LRIF1: variants seen among roughly 807,000 people sequenced by gnomAD.
LRIF1 encodes ligand-dependent nuclear receptor-interacting factor 1.
LRIF1 carries 32 observed loss-of-function variants against 52.7 expected under a neutral mutation model. That is an observed-to-expected ratio of 0.61 (90% CI 0.46 to 0.82). The LOEUF (loss-of-function observed/expected upper bound fraction) is 0.82. Ranked by LOEUF, LRIF1 falls within the 40% of genes least tolerant of loss-of-function variation. The pLI, the probability that LRIF1 is intolerant of heterozygous loss-of-function variation, is 0.00. For synonymous variants in LRIF1, 323 were observed against 317.4 expected (o/e 1.02, Z -0.19); for missense variants, 887 against 892.0 (o/e 0.99, Z 0.07).
chr1:110,895,380 C>T, the LRIF1 span, among the ~76,000 whole-genome samples: 334 of 152,306 alleles, frequency 2.2e-3, 2 homozygotes, highest in African/African-American at 7.2e-3. Context: ...CATTGTATAA[C>T]ACAAGAAATT....
At chr1:110,934,271 T>C in the LRIF1 span, among the ~76,000 whole-genome samples, 1 of 152,268 alleles carries the variant, frequency 6.6e-6, no homozygotes, top group Non-Finnish European at 1.5e-5. Context: ...TTACCAGCTA[T>C]GGTGGTTATT....
the LRIF1 span, among the ~76,000 whole-genome samples, chr1:110,885,110 A>C: frequency 5.3e-5 from 8 of 151,982 alleles, no homozygotes; most frequent in Non-Finnish European, 1.0e-4. Flanking sequence ...TGAGATTTCC[A>C]CTTTACATAT....
Position 110,951,793 on chromosome 1 carries a change from AC to A in LRIF1, c.1090del (p.Val364SerfsTer28). The A allele has an allele frequency of 6.2e-7, 1 of 1,612,524 alleles. No homozygotes were observed. Among genetic ancestry groups the A allele is most frequent in the East Asian group, 2.2e-5 (1 of 44,862 alleles). On this transcript the variant is annotated frameshift_variant, in exon 2 of 4. Coordinates refer to ENST00000369763, the MANE Select transcript of LRIF1 (RefSeq NM_018372.4). LOFTEE classifies it high-confidence loss of function. ...DNALVMFNGK[V>X]YLLAKKGTDV... ...TGTCCCCTTTTTAGCCAACAGATAGACTTTCCCATTAAACATAACCAAAGCA... is the reference window on the plus strand; with the variant it reads ...TGTCCCCTTTTTAGCCAACAGATAGATTTCCCATTAAACATAACCAAAGCA...
the LRIF1 span, among the ~76,000 whole-genome samples, chr1:110,878,010 C>T: frequency 1.3e-5 from 2 of 152,158 alleles, no homozygotes; most frequent in Non-Finnish European, 1.5e-5. Flanking sequence ...GAGCCTGGGA[C>T]GGTGGAAAGA....
the LRIF1 span, among the ~76,000 whole-genome samples, chr1:110,917,625 A>AT: frequency 1.9e-4 from 27 of 138,498 alleles, no homozygotes; most frequent in Middle Eastern, 3.6e-3. Context: ...TAAGGAGCTT[A>AT]TTTTTTTTGT....
At chr1:110,951,261 A>C (rs1557838627) in intron 2 of LRIF1, 27 bp downstream of exon 2, 1 of 1,560,016 alleles carries the variant, frequency 6.4e-7, no homozygotes. Context: ...GATATATAAA[A>C]AGAGCACCCT....
At chr1:110,893,131 T>G in the LRIF1 span, among the ~76,000 whole-genome samples, 1 of 152,230 alleles carries the variant, frequency 6.6e-6, no homozygotes. Context: ...GTTTTGCCTG[T>G]AAGCACAGTG....
At chr1:110,955,063 T>C (rs2101114908) in intron 1 of LRIF1, among the ~76,000 whole-genome samples, 1 of 152,336 alleles carries the variant, frequency 6.6e-6, no homozygotes, top group East Asian at 1.9e-4. Flanking sequence ...CCAAATTCCC[T>C]TTTAACATTT....
At chr1:110,957,749 A>G (rs577812103) in intron 1 of LRIF1, among the ~76,000 whole-genome samples, 2 of 152,022 alleles carry the variant, frequency 1.3e-5, no homozygotes, top group East Asian at 3.9e-4. Context: ...TAGGTTTCAA[A>G]TCACCTAGTC....
At chr1:110,922,166 T>C in the LRIF1 span, among the ~76,000 whole-genome samples, 2 of 152,358 alleles carry the variant, frequency 1.3e-5, no homozygotes, top group East Asian at 3.9e-4. Context: ...TCTTGTTCTT[T>C]TTTATGGCTG....
At chr1:110,895,038 G>A in the LRIF1 span, 2 of 1,613,206 alleles carry the variant, frequency 1.2e-6, no homozygotes, top group Non-Finnish European at 1.7e-6. Context: ...GGCAGCGTGG[G>A]ACTCCATCCA....
chr1:110,961,742 T>G (rs538863751), intron 1 of LRIF1, among the ~76,000 whole-genome samples: 8 of 151,990 alleles, frequency 5.3e-5, no homozygotes, highest in African/African-American at 1.7e-4. Flanking sequence ...ATAAGAAAAC[T>G]AAGTTTCCAA....
chr1:110,945,668 C>T (rs1245334595), downstream of LRIF1, among the ~76,000 whole-genome samples: 1 of 152,232 alleles, frequency 6.6e-6, no homozygotes, highest in Non-Finnish European at 1.5e-5. Flanking sequence ...CTCAGGTGAT[C>T]TGCCCACCTC....
chr1:110,951,213 A>G (rs1339965756), intron 2 of LRIF1, 75 bp downstream of exon 2: 5 of 1,205,206 alleles, frequency 4.1e-6, no homozygotes, highest in African/African-American at 1.5e-5. Flanking sequence ...GGTATCATAG[A>G]TAACTTTGAG....
the LRIF1 span, among the ~76,000 whole-genome samples, chr1:110,924,093 G>GAATAACTTTATGAC: frequency 2.0e-5 from 3 of 151,962 alleles, no homozygotes; most frequent in African/African-American, 4.8e-5. Flanking sequence ...AAAGTATTGT[G>GAATAACTTTATGAC]AATAACTTTA....
chr1:110,882,783 C>G, the LRIF1 span, among the ~76,000 whole-genome samples: 1 of 151,936 alleles, frequency 6.6e-6, no homozygotes, highest in Non-Finnish European at 1.5e-5. Context: ...TCTTTCACAA[C>G]TTTTGTCAGA....
the LRIF1 span, among the ~76,000 whole-genome samples, chr1:110,924,657 T>C: frequency 1.3e-5 from 2 of 152,292 alleles, no homozygotes; most frequent in Admixed American, 1.3e-4. Context: ...ATGTGACAAT[T>C]ATGGGGATTA....
the LRIF1 span, chr1:110,893,004 G>C: frequency 5.9e-6 from 1 of 169,254 alleles, no homozygotes; most frequent in African/African-American, 2.4e-5. Context: ...ACTCCGTAGA[G>C]AGATCCAACT....
At chr1:110,880,763 G>C in the LRIF1 span, among the ~76,000 whole-genome samples, 1 of 152,098 alleles carries the variant, frequency 6.6e-6, no homozygotes, top group Admixed American at 6.6e-5. Context: ...TACCCTCAAG[G>C]AGCTCACATT....
Sources: allele counts gnomAD v4.1 joint callset (sites outside exome capture counted in the v4.1 genomes callset), GRCh38; gene constraint gnomAD v4.1.1; transcripts MANE v1.5; gene names NCBI Gene and HGNC (gene_info 2026-07-23, HGNC 2026-07-21).